The following NEGR1 variants were observed in gnomAD, a reference collection of about 807,000 sequenced individuals.
The protein encoded by NEGR1 is neuronal growth regulator 1, also known as IgLON family member 4.
In NEGR1, 10 loss-of-function variants were observed where a neutral mutation model predicts 40.9. The observed-to-expected ratio is 0.24, with a 90% CI of 0.15 to 0.42. The LOEUF (loss-of-function observed/expected upper bound fraction) is 0.42. Among genes scored for constraint, NEGR1 ranks in the 10% least tolerant of loss-of-function variants. The probability of loss-of-function intolerance (pLI) is 1.00; values close to 1 mark genes in which losing one functional copy is unlikely to be tolerated. For synonymous variants in NEGR1, 185 were observed against 166.8 expected (o/e 1.11, Z -0.84); for missense variants, 352 against 438.9 (o/e 0.80, Z 1.77).
chr1:71,570,729 G>A (rs1648784641), intron 6 of NEGR1, among the ~76,000 whole-genome samples: 1 of 151,788 alleles, frequency 6.6e-6, no homozygotes. Context: ...TCTCCATAAA[G>A]CACATGAAGG....
chr1:71,835,839 T>C (rs536750366), intron 2 of NEGR1, among the ~76,000 whole-genome samples: 14 of 152,256 alleles, frequency 9.2e-5, no homozygotes, highest in African/African-American at 3.1e-4. Context: ...TTTTCTTGTC[T>C]GTGAAATGGA....
intron 1 of NEGR1, among the ~76,000 whole-genome samples, chr1:72,173,484 A>C (rs989401507): frequency 2.6e-5 from 4 of 151,636 alleles, no homozygotes; most frequent in African/African-American, 9.7e-5. Flanking sequence ...GCGTTTGAAA[A>C]GTTAATTTTT....
At chr1:72,214,697 T>A (rs1377942573) in intron 1 of NEGR1, among the ~76,000 whole-genome samples, 1 of 152,034 alleles carries the variant, frequency 6.6e-6, no homozygotes, top group African/African-American at 2.4e-5. Context: ...AAGCCACTGC[T>A]GAAGGAAATA....
intron 1 of NEGR1, among the ~76,000 whole-genome samples, chr1:72,076,635 A>G (rs966434892): frequency 2.6e-5 from 4 of 152,048 alleles, no homozygotes; most frequent in African/African-American, 9.6e-5. Context: ...ACGATAATAT[A>G]ATCAGTCTCC....
chr1:71,983,534 T>C (rs1459512104), intron 1 of NEGR1, among the ~76,000 whole-genome samples: 2 of 152,222 alleles, frequency 1.3e-5, no homozygotes, highest in African/African-American at 4.8e-5. Flanking sequence ...CCAAAAATTT[T>C]TGCATACTCC....
chr1:71,794,431 C>T (rs1429723230), intron 2 of NEGR1: 2 of 151,998 alleles, frequency 1.3e-5, no homozygotes, highest in Non-Finnish European at 2.9e-5. Flanking sequence ...ACACACAAAA[C>T]TCACAGCACT....
At chr1:71,512,985 T>G (rs937408343) in intron 6 of NEGR1, among the ~76,000 whole-genome samples, 1 of 152,212 alleles carries the variant, frequency 6.6e-6, no homozygotes, top group African/African-American at 2.4e-5. Flanking sequence ...ACAGTTTTAC[T>G]ATACATATAA....
intron 2 of NEGR1, among the ~76,000 whole-genome samples, chr1:71,927,991 C>G (rs1645793299): frequency 7.0e-6 from 1 of 143,310 alleles, no homozygotes; most frequent in African/African-American, 2.6e-5. Context: ...GAGTGAGATG[C>G]TGTCTCAGGA....
At chr1:72,268,546 T>G (rs1244581496) in intron 1 of NEGR1, among the ~76,000 whole-genome samples, 2 of 151,420 alleles carry the variant, frequency 1.3e-5, no homozygotes, top group Non-Finnish European at 3.0e-5. Flanking sequence ...AGAAAGTGGA[T>G]AGCATACTAC....
At chr1:71,469,345 C>T (rs1557537032) in intron 6 of NEGR1, among the ~76,000 whole-genome samples, 1 of 151,888 alleles carries the variant, frequency 6.6e-6, no homozygotes, top group Non-Finnish European at 1.5e-5. Flanking sequence ...ATAGAGCGCA[C>T]CACTTTTAGT....
At chr1:71,559,222 T>C (rs1186963479) in intron 6 of NEGR1, among the ~76,000 whole-genome samples, 1 of 151,314 alleles carries the variant, frequency 6.6e-6, no homozygotes, top group Non-Finnish European at 1.5e-5. Context: ...ATTTTTCTTA[T>C]TTTTCAACCC....
At chr1:72,075,354 G>T (rs1241250153) in intron 1 of NEGR1, among the ~76,000 whole-genome samples, 1 of 152,084 alleles carries the variant, frequency 6.6e-6, no homozygotes, top group Non-Finnish European at 1.5e-5. Flanking sequence ...GTCTAGTGAG[G>T]TAGAGTCCTT....
At chr1:71,748,222 C>T (rs569952017) in intron 3 of NEGR1, among the ~76,000 whole-genome samples, 130 of 152,154 alleles carry the variant, frequency 8.5e-4, no homozygotes, top group African/African-American at 3.0e-3. Flanking sequence ...CCTACTTTAC[C>T]GTACATACTG....
intron 1 of NEGR1, among the ~76,000 whole-genome samples, chr1:72,100,075 A>G (rs1368140032): frequency 6.6e-6 from 1 of 152,148 alleles, no homozygotes; most frequent in Non-Finnish European, 1.5e-5. Context: ...AAGTAATTTG[A>G]TTCTTTTAAG....
At chr1:72,034,652 A>G (rs1046881928) in intron 1 of NEGR1, among the ~76,000 whole-genome samples, 3 of 152,218 alleles carry the variant, frequency 2.0e-5, no homozygotes. Flanking sequence ...GCTCATTAAT[A>G]GGTCACAAAA....
intron 2 of NEGR1, among the ~76,000 whole-genome samples, chr1:71,926,883 A>C (rs1477079700): frequency 1.3e-5 from 2 of 152,164 alleles, no homozygotes; most frequent in African/African-American, 4.8e-5. Flanking sequence ...CTATATATTT[A>C]CATAGAAAAT....
At chr1:71,945,674 A>T (rs1646011678) in intron 1 of NEGR1, among the ~76,000 whole-genome samples, 1 of 152,152 alleles carries the variant, frequency 6.6e-6, no homozygotes, top group Non-Finnish European at 1.5e-5. Context: ...TTATATTTTA[A>T]AAAGTTATAA....
chr1:71,559,009 C>CTGTGTGTGTGTG (rs573407911), intron 6 of NEGR1, among the ~76,000 whole-genome samples: 217 of 120,020 alleles, frequency 1.8e-3, no homozygotes, highest in African/African-American at 6.3e-3. Context: ...TTTATCTTCT[C>CTGTGTGTGTGTG]TGTGTGTGTG....
chr1:72,257,375 G>A (rs1043865904), intron 1 of NEGR1, among the ~76,000 whole-genome samples: 1 of 148,520 alleles, frequency 6.7e-6, no homozygotes, highest in African/African-American at 2.5e-5. Flanking sequence ...TATCTAACAA[G>A]GTTAGATGAG....
Sources: allele counts gnomAD v4.1 joint callset (sites outside exome capture counted in the v4.1 genomes callset), GRCh38; gene constraint gnomAD v4.1.1; transcripts MANE v1.5; gene names NCBI Gene and HGNC (gene_info 2026-07-23, HGNC 2026-07-21).